SLC25A20: variants seen among roughly 807,000 people sequenced by gnomAD.
SLC25A20 encodes the protein solute carrier family 25 member 20.
SLC25A20 carries 29 observed loss-of-function variants against 39.7 expected under a neutral mutation model. That is an observed-to-expected ratio of 0.73 (90% CI 0.54 to 1.00). The LOEUF (loss-of-function observed/expected upper bound fraction) is 1.00, where lower values mean the gene tolerates loss of function less well. Among genes scored for constraint, SLC25A20 ranks in the 50% least tolerant of loss-of-function variants. The pLI is 0.00. For missense variants in SLC25A20, 333 were observed against 379.9 expected, an observed-to-expected ratio of 0.88 and a Z score of 1.03; for synonymous variants, 103 against 142.2, an observed-to-expected ratio of 0.72 and a Z score of 1.96.
At position 48,857,609 on chromosome 3, in the gene SLC25A20, C is replaced by G; in HGVS notation, c.*101G>C. 9.4e-7 allele frequency: 1 copy of G among 1,061,570 alleles called. No homozygotes were observed. 65.8% of individuals were successfully genotyped at this position (1,061,570 alleles called of 1,614,324 possible). A position where few individuals can be genotyped will look rare whatever the true frequency, so the allele number is the denominator to read the frequency against. On this transcript the variant is annotated 3_prime_UTR_variant, in exon 9 of 9. Transcript: ENST00000319017. ...TGCACAGGGCTCGGATCTCACCATT[C>G]CCCTCCCCTTGCCCTCCAAGACTGC... is the stretch of plus-strand genomic sequence containing the variant.
chr3:48,865,772 C>CAAAAAA (rs1202666164), intron 4 of SLC25A20, among the ~76,000 whole-genome samples: 1 of 78,064 alleles, frequency 1.3e-5, no homozygotes, highest in Non-Finnish European at 2.7e-5. Context: ...CTGTCTCAAA[C>CAAAAAA]AAAAAAAAAA....
At chr3:48,875,922 G>A (rs988930740) in intron 4 of SLC25A20, among the ~76,000 whole-genome samples, 1 of 152,162 alleles carries the variant, frequency 6.6e-6, no homozygotes, top group Non-Finnish European at 1.5e-5. Flanking sequence ...GGAGCCTGAG[G>A]TAAGAATGGC....
chr3:48,898,551 G>A, intron 1 of SLC25A20, 139 bp downstream of exon 1: 1 of 874,410 alleles, frequency 1.1e-6, no homozygotes, highest in Non-Finnish European at 1.8e-6. Flanking sequence ...GCCCACCCCT[G>A]AAAGAGAGAT....
chr3:48,879,510 AT>A, intron 3 of SLC25A20, 62 bp from the exon 4 acceptor site: 1 of 1,094,388 alleles, frequency 9.1e-7, no homozygotes, highest in Non-Finnish European at 1.4e-6. Flanking sequence ...ACAGAGGCCA[AT>A]CCCAGCAAAG....
rs1374355087 is a variant in SLC25A20 at position 48,876,036 on chromosome 3, T to TA, written c.417+3321dup. 2.0e-5 allele frequency among the ~76,000 whole-genome samples: 3 copies of TA among 151,074 alleles called. 1 individual carries two copies. Among genetic ancestry groups the TA allele is most frequent in the South Asian group, 4.2e-4 (2 of 4,766 alleles). The stretch of plus-strand genomic sequence containing the variant: ...CCTGTCTCAAAAATAAAGAAATAAA[T>TA]AAAAAAAATTTTAAAGCCAATCCAG... On this transcript the variant is annotated intron_variant, in intron 4 of 8. Coordinates refer to ENST00000319017, the MANE Select transcript of SLC25A20 (RefSeq NM_000387.6).
At chr3:48,872,505 G>T (rs2083724363) in intron 4 of SLC25A20, among the ~76,000 whole-genome samples, 1 of 151,466 alleles carries the variant, frequency 6.6e-6, no homozygotes, top group African/African-American at 2.4e-5. Flanking sequence ...GATATAAGCG[G>T]AGGTCAAAGG....
chr3:48,865,772 CAAAAAAAAAAAAAAGAAAAGAA>C (rs2083663232), intron 4 of SLC25A20, among the ~76,000 whole-genome samples: 3 of 78,074 alleles, frequency 3.8e-5, no homozygotes, highest in Admixed American at 1.3e-4. Flanking sequence ...CTGTCTCAAA[CAAAAAAAAAAAAAAGAAAAGAA>C]AAGAAAGATA....
At chr3:48,857,971 T>C (rs2083593337) in intron 8 of SLC25A20, among the ~76,000 whole-genome samples, 199 bp from the exon 9 acceptor site, 1 of 149,348 alleles carries the variant, frequency 6.7e-6, no homozygotes, top group African/African-American at 2.4e-5. Context: ...CCCACTTCTT[T>C]TTTTTTTTTT....
Position 48,898,613 on chromosome 3 carries a change from C to G in SLC25A20, c.105+77G>C, listed in dbSNP as rs2106672329. ...ACATGCCCCTCTTCTGCCCAGCGTC[C>G]GCGCCTCGCGGGGGACCATGCTTTC... is the stretch of plus-strand genomic sequence containing the variant. On this transcript the variant is annotated intron_variant, in intron 1 of 8. Transcript: ENST00000319017. 3 of 1,343,326 alleles carry G rather than the reference C, an allele frequency of 2.2e-6. No homozygotes were observed. The South Asian group carries it at 3.8e-5, about 17-fold the overall frequency. 83.2% of individuals were successfully genotyped at this position (1,343,326 alleles called of 1,614,324 possible).
chr3:48,874,464 C>CA (rs1220746425), intron 4 of SLC25A20, among the ~76,000 whole-genome samples: 589 of 128,044 alleles, frequency 4.6e-3, no homozygotes, highest in East Asian at 0.02. Flanking sequence ...AGACCTTGTC[C>CA]AAAAAAAAAA....
chr3:48,879,063 G>A lies in SLC25A20; in HGVS notation c.417+295C>T, dbSNP rs548519894. Among the ~76,000 whole-genome samples, 412 of 152,016 alleles carry A rather than the reference G, an allele frequency of 2.7e-3. 2 individuals carry two copies. Among genetic ancestry groups the A allele is most frequent in the Non-Finnish European group, 4.5e-3 (308 of 67,996 alleles). On this transcript the variant is annotated intron_variant, in intron 4 of 8. Coordinates refer to ENST00000319017, the MANE Select transcript of SLC25A20 (RefSeq NM_000387.6). ...TTTTTGTATTTTTAGTAGAGACGGG[G>A]TTTCACCATGTTGGCCAGGCTGGTC...
At chr3:48,871,990 T>TTC (rs2083719303) in intron 4 of SLC25A20, among the ~76,000 whole-genome samples, 1 of 137,984 alleles carries the variant, frequency 7.2e-6, no homozygotes, top group Admixed American at 7.3e-5. Context: ...TAATTTTTTT[T>TTC]TTTTTTTTTT....
Position 48,862,664 on chromosome 3 carries a change from G to A in SLC25A20, c.418-5C>T. ...TTCTCCTGAAGAAGCCTGAATCTGG[G>A]AGGGAGGAGAGGATCATTAAGTCAG... is the stretch of plus-strand genomic sequence containing the variant. On this transcript the variant is annotated splice_region_variant and splice_polypyrimidine_tract_variant and intron_variant, in intron 4 of 8. Transcript: ENST00000319017. The A allele has an allele frequency of 6.3e-7, 1 of 1,577,792 alleles. No individual in the cohort carries two copies. The highest frequency in any genetic ancestry group is 8.7e-7 in the Non-Finnish European group (1 of 1,146,940).
intron 5 of SLC25A20, among the ~76,000 whole-genome samples, chr3:48,860,825 ATTACT>A (rs988228366): frequency 2.7e-5 from 4 of 148,398 alleles, no homozygotes; most frequent in Non-Finnish European, 4.5e-5. Context: ...TATTATTATT[ATTACT>A]TTACTTTTTT....
At chr3:48,881,015 T>G (rs1049647863) in intron 3 of SLC25A20, among the ~76,000 whole-genome samples, 3 of 152,188 alleles carry the variant, frequency 2.0e-5, no homozygotes, top group Admixed American at 6.5e-5. Context: ...GGTGCACTCT[T>G]GACCCCAAGC....
chr3:48,891,928 A>C (rs1447795590), intron 2 of SLC25A20, 52 bp downstream of exon 2: 911 of 1,406,574 alleles, frequency 6.5e-4, no homozygotes, highest in Non-Finnish European at 8.5e-4. Flanking sequence ...GTAACAAATC[A>C]ACCCCGTGAA....
chr3:48,883,162 T>A (rs1270459795), intron 3 of SLC25A20, among the ~76,000 whole-genome samples: 1 of 151,604 alleles, frequency 6.6e-6, no homozygotes, highest in Non-Finnish European at 1.5e-5. Context: ...GCCACTGCAC[T>A]CCAGCCTGGG....
Position 48,898,823 on chromosome 3 carries a change from A to G in SLC25A20, c.-29T>C. 6.5e-7 allele frequency: 1 copy of G among 1,547,340 alleles called. No homozygotes were observed. The highest frequency in any genetic ancestry group is 8.7e-7 in the Non-Finnish European group (1 of 1,143,316). The stretch of plus-strand genomic sequence containing the variant: ...CAGTCCGTCTGTCACTCCGTCTGTC[A>G]GTTCTCGGGCCGTCCTGGCTTCTCA... On this transcript the variant is annotated 5_prime_UTR_variant, in exon 1 of 9. Transcript: ENST00000319017.
Position 48,859,561 on chromosome 3 carries a change from C to A in SLC25A20, c.602G>T (p.Gly201Val). The A allele has an allele frequency of 1.2e-6, 2 of 1,613,734 alleles. No homozygotes were observed. The highest frequency in any genetic ancestry group is 1.7e-6 in the Non-Finnish European group (2 of 1,179,618). ...EWLKNIFTPE[G>V]KRVSELSAPR... ...CAAGTTATGTTTTCCTCACCTCTTT[C>A]CCTCCGGAGTGAAGATATTTTTCAG... Residue 201 changes from glycine (G) to valine (V), a missense_variant, in exon 6 of 9, where the codon GGA becomes GTA. By Grantham distance (109) the Gly-to-Val change is moderately radical. Transcript: ENST00000319017.
Sources: gnomAD v4.1 joint callset for allele counts (sites outside exome capture counted in the v4.1 genomes callset) on GRCh38, gnomAD v4.1.1 for gene constraint, MANE v1.5 for transcripts, NCBI Gene and HGNC (gene_info 2026-07-23, HGNC 2026-07-21) for gene names.